PDLIM5: variants seen among roughly 807,000 people sequenced by gnomAD.
PDLIM5 encodes the protein PDZ and LIM domain 5.
In PDLIM5, 34 loss-of-function variants were observed where a neutral mutation model predicts 64.2. That is an observed-to-expected ratio of 0.53 (90% CI 0.40 to 0.71). The LOEUF (loss-of-function observed/expected upper bound fraction) is 0.71. PDLIM5 is among the 30% of genes least tolerant of loss of function. The probability of loss-of-function intolerance (pLI) is 0.00; values close to 1 mark genes in which losing one functional copy is unlikely to be tolerated. For synonymous variants in PDLIM5, 253 were observed against 269.1 expected (o/e 0.94, Z 0.59); for missense variants, 683 against 733.6 (o/e 0.93, Z 0.80).
chr4:94,637,420 G>A (rs759396018), intron 8 of PDLIM5, among the ~76,000 whole-genome samples: 60 of 152,204 alleles, frequency 3.9e-4, no homozygotes, highest in African/African-American at 7.9e-4. Context: ...TTAGCCCAGC[G>A]TGGTGGCAGC....
At chr4:94,612,062 A>G (rs898970264) in intron 7 of PDLIM5, among the ~76,000 whole-genome samples, 6 of 152,034 alleles carry the variant, frequency 3.9e-5, no homozygotes, top group African/African-American at 1.4e-4. Context: ...CTAAAGATAC[A>G]AAAAAATTAG....
intron 2 of PDLIM5, among the ~76,000 whole-genome samples, chr4:94,461,898 C>G (rs1434784646): frequency 6.6e-6 from 1 of 152,126 alleles, no homozygotes; most frequent in Non-Finnish European, 1.5e-5. Flanking sequence ...AAGGCTGCAG[C>G]GTGTCACCCA....
At chr4:94,629,841 ATCGTCTCCAGAATGTACTT>A (rs933057919) in intron 8 of PDLIM5, among the ~76,000 whole-genome samples, 36 of 152,216 alleles carry the variant, frequency 2.4e-4, no homozygotes, top group African/African-American at 8.2e-4. Context: ...AAATTGCACA[ATCGTCTCCAGAATGTACTT>A]TCCTCTGATC....
At chr4:94,462,016 A>G (rs1723932676) in intron 2 of PDLIM5, among the ~76,000 whole-genome samples, 1 of 152,174 alleles carries the variant, frequency 6.6e-6, no homozygotes, top group Middle Eastern at 3.2e-3. Context: ...AGCATTCGCC[A>G]CCATGCCCAG....
intron 3 of PDLIM5, among the ~76,000 whole-genome samples, chr4:94,563,972 TTTCTGTTTTGAGACAGAGTCTTAC>T (rs1294839546): frequency 6.7e-6 from 1 of 149,282 alleles, no homozygotes; most frequent in African/African-American, 2.5e-5. Flanking sequence ...TTTTTTTTTT[TTTCTGTTTTGAGACAGAGTCTTAC>T]TCTGTCTCCC....
Position 94,650,578 on chromosome 4 carries a change from AT to A in PDLIM5, c.1284-3879del, listed in dbSNP as rs1173562860. Among the ~76,000 whole-genome samples the A allele has an allele frequency of 3.9e-5, 6 of 152,108 alleles. No individual in the cohort carries two copies. In the East Asian group the frequency reaches 9.7e-4, roughly 24 times the overall value. ...CATATGATCTTAGGAAAGTTGGCTG[AT>A]TTCTCTGACGTTTTCTTCATCTACA... On this transcript the variant is annotated intron_variant, in intron 9 of 12. Transcript: ENST00000317968.
At chr4:94,519,391 T>C (rs1729636088) in intron 2 of PDLIM5, among the ~76,000 whole-genome samples, 1 of 152,136 alleles carries the variant, frequency 6.6e-6, no homozygotes, top group Non-Finnish European at 1.5e-5. Flanking sequence ...GTGAGGCAGG[T>C]GGAATTATAG....
chr4:94,463,001 G>A (rs1724036424), intron 2 of PDLIM5, among the ~76,000 whole-genome samples: 1 of 152,114 alleles, frequency 6.6e-6, no homozygotes, highest in African/African-American at 2.4e-5. Context: ...TCTTAAAGAT[G>A]CCATTTTCTG....
At chr4:94,653,000 A>G (rs1473412043) in intron 9 of PDLIM5, among the ~76,000 whole-genome samples, 1 of 152,150 alleles carries the variant, frequency 6.6e-6, no homozygotes, top group African/African-American at 2.4e-5. Flanking sequence ...AGCAAGGTTT[A>G]TGTTATTGTC....
chr4:94,467,558 C>T (rs1332902847), intron 2 of PDLIM5, among the ~76,000 whole-genome samples: 7 of 152,042 alleles, frequency 4.6e-5, no homozygotes, highest in Admixed American at 1.3e-4. Context: ...GTGATCCACC[C>T]GCCTCAGCCT....
intron 5 of PDLIM5, chr4:94,585,085 G>A: frequency 1.3e-6 from 1 of 768,164 alleles, no homozygotes; most frequent in Non-Finnish European, 2.1e-6. Flanking sequence ...TAATTTAAAA[G>A]GTTTTTTTGT....
intron 3 of PDLIM5, among the ~76,000 whole-genome samples, chr4:94,551,322 T>C (rs1732787618): frequency 6.6e-6 from 1 of 152,126 alleles, no homozygotes; most frequent in Non-Finnish European, 1.5e-5. Flanking sequence ...GAAAAATTAG[T>C]AGTCTGAAAC....
intron 2 of PDLIM5, among the ~76,000 whole-genome samples, chr4:94,475,223 A>G (rs1280544097): frequency 4.0e-5 from 6 of 151,810 alleles, no homozygotes; most frequent in Admixed American, 3.9e-4. Flanking sequence ...TAAAGGAGGG[A>G]CTTATTCTAA....
At chr4:94,592,768 A>G (rs1736766303) in intron 7 of PDLIM5, among the ~76,000 whole-genome samples, 1 of 152,086 alleles carries the variant, frequency 6.6e-6, no homozygotes, top group Admixed American at 6.6e-5. Context: ...CTGGAACTAC[A>G]GGCACACACC....
Position 94,640,329 on chromosome 4 carries a change from C to T in PDLIM5, c.1162C>T (p.Pro388Ser), listed in dbSNP as rs7690464. 1,461 of 1,611,780 alleles carry T rather than the reference C, an allele frequency of 9.1e-4. 8 individuals carry two copies. The African/African-American group carries it at 0.017, about 19-fold the overall frequency. ...NSATYSGSVA[P>S]ANSALGQTQP... is the part of the protein sequence containing the mutation. Reference sequence around the variant, plus strand: ...CGCTACTTACTCAGGATCAGTGGCACCAGCCAACTCAGCTTTGGGACAAAC... The same window carrying T: ...CGCTACTTACTCAGGATCAGTGGCATCAGCCAACTCAGCTTTGGGACAAAC... The change falls in exon 9 of 13, where the codon CCA (proline) becomes TCA (serine). Residue 388 changes from proline (P) to serine (S), a missense_variant. Coordinates refer to ENST00000317968, the MANE Select transcript of PDLIM5 (RefSeq NM_006457.5).
intron 3 of PDLIM5, among the ~76,000 whole-genome samples, chr4:94,524,868 G>C (rs568143230): frequency 6.1e-4 from 93 of 152,232 alleles, no homozygotes; most frequent in Middle Eastern, 3.4e-3. Flanking sequence ...CTGAAGGCAA[G>C]GGAGGAGAAA....
chr4:94,646,091 G>A (rs1487648938), intron 9 of PDLIM5, among the ~76,000 whole-genome samples: 1 of 152,140 alleles, frequency 6.6e-6, no homozygotes, highest in African/African-American at 2.4e-5. Context: ...TATTTTGTGT[G>A]CCGCTGTCCT....
In PDLIM5 at chr4:94,583,523, TAA is replaced by T. The variant is rs1445183538; in HGVS notation, c.711-2040_711-2039del. On this transcript the variant is annotated intron_variant, in intron 5 of 12. Transcript: ENST00000317968. The stretch of plus-strand genomic sequence containing the variant: ...AAATTTTTCAAGGACTTGCATAAGA[TAA>T]AGAGTTGTCTGTTTTATGGCTGCCA... 2.0e-5 allele frequency among the ~76,000 whole-genome samples: 3 copies of T among 152,302 alleles called. No individual in the cohort carries two copies. The East Asian group carries it at 5.8e-4, about 29-fold the overall frequency.
At chr4:94,527,498 C>T (rs1730479197) in intron 3 of PDLIM5, among the ~76,000 whole-genome samples, 1 of 152,184 alleles carries the variant, frequency 6.6e-6, no homozygotes, top group African/African-American at 2.4e-5. Flanking sequence ...AAGTTTTCTG[C>T]ATGAATATAT....
Sources: allele counts gnomAD v4.1 joint callset (sites outside exome capture counted in the v4.1 genomes callset), GRCh38; gene constraint gnomAD v4.1.1; transcripts MANE v1.5; gene names NCBI Gene and HGNC (gene_info 2026-07-23, HGNC 2026-07-21).